CCNB3: variants seen among roughly 807,000 people sequenced by gnomAD.
The protein encoded by CCNB3 is G2/mitotic-specific cyclin-B3.
CCNB3 carries 12 observed loss-of-function variants against 68.0 expected under a neutral mutation model. That is an observed-to-expected ratio of 0.18 (90% confidence interval 0.11 to 0.29). CCNB3 has a LOEUF of 0.29. Among genes scored for constraint, CCNB3 ranks in the 10% least tolerant of loss-of-function variants. The pLI is 1.00. For synonymous variants in CCNB3, 354 were observed against 388.9 expected, an observed-to-expected ratio of 0.91 and a Z score of 1.06; for missense variants, 904 against 993.1, an observed-to-expected ratio of 0.91 and a Z score of 1.21.
intron 5 of CCNB3, among the ~76,000 whole-genome samples, chrX:50,307,893 A>AT (rs1172445064): frequency 1.8e-5 from 2 of 111,823 alleles, no homozygotes; most frequent in Non-Finnish European, 3.8e-5. Flanking sequence ...TCTTTCTGTG[A>AT]TTTTGTCTCA....
chrX:50,228,403 T>G (rs1361420220), intron 1 of CCNB3, among the ~76,000 whole-genome samples: 2 of 88,746 alleles, frequency 2.3e-5, no homozygotes, highest in African/African-American at 7.9e-5. Context: ...TAAATATATA[T>G]AGAGGATATA....
intron 1 of CCNB3, among the ~76,000 whole-genome samples, chrX:50,210,597 T>A (rs1163497584): frequency 1.8e-5 from 2 of 111,443 alleles, no homozygotes; most frequent in Non-Finnish European, 3.8e-5. Context: ...TGATGACCTT[T>A]ACGAGAATAT....
chrX:50,346,777 C>G lies in CCNB3; in HGVS notation c.3780C>G (p.Ile1260Met), dbSNP rs782623196. ...TCAAATGTGACATTAACATTCCCATCGCCTACCATTTTCTGCGCAGATATG... is the reference window on the plus strand; with the variant it reads ...TCAAATGTGACATTAACATTCCCATGGCCTACCATTTTCTGCGCAGATATG... ...NVLKCDINIPIAYHFLRRYAR... is the reference protein window; with the variant it reads ...NVLKCDINIPMAYHFLRRYAR... Residue 1260 changes from isoleucine to methionine, a missense_variant, in exon 10 of 13, where the codon ATC (isoleucine) becomes ATG (methionine). Transcript: ENST00000376042. 1 of 1,211,323 alleles carries G rather than the reference C, an allele frequency of 8.3e-7. No individual in the cohort carries two copies. Among genetic ancestry groups the G allele is most frequent in the Non-Finnish European group, 1.1e-6 (1 of 895,290 alleles).
At chrX:50,280,209 T>C (rs1362591185) in intron 1 of CCNB3, among the ~76,000 whole-genome samples, 4 of 78,742 alleles carry the variant, frequency 5.1e-5, no homozygotes, top group Non-Finnish European at 9.5e-5. Flanking sequence ...TATAAATATA[T>C]TTTTAGAATA....
rs1241265333 is a variant in CCNB3 at position 50,351,827 on chromosome X, A to C, written c.*124A>C. The C allele has an allele frequency of 4.4e-6, 2 of 453,469 alleles. No homozygotes were observed. Among genetic ancestry groups the C allele is most frequent in the Non-Finnish European group, 7.2e-6 (2 of 279,397 alleles). 37.4% of individuals were successfully genotyped at this position (453,469 alleles called of 1,213,427 possible). A position where few individuals can be genotyped will look rare whatever the true frequency, so the allele number is the denominator to read the frequency against. ...CTTTTCCCAAACTGATAATGTTATA[A>C]ATATTTATGTTGCTTGTTTTTATGA... On this transcript the variant is annotated 3_prime_UTR_variant, in exon 13 of 13. Transcript: ENST00000376042.
intron 5 of CCNB3, among the ~76,000 whole-genome samples, chrX:50,300,403 G>A (rs142776049): frequency 0.019 from 2,160 of 111,168 alleles, 42 homozygotes; most frequent in African/African-American, 0.065. Context: ...AGCTTAGTTT[G>A]GGTGGATATG....
intron 1 of CCNB3, among the ~76,000 whole-genome samples, chrX:50,226,268 A>G (rs1309106356): frequency 5.9e-5 from 4 of 67,542 alleles, no homozygotes; most frequent in Non-Finnish European, 7.3e-5. Context: ...TTATATATAT[A>G]GAATATATAT....
chrX:50,222,785 G>T (rs1257641544), intron 1 of CCNB3, among the ~76,000 whole-genome samples: 1 of 111,010 alleles, frequency 9.0e-6, no homozygotes, highest in Admixed American at 9.6e-5. Context: ...GGTGTTCTCT[G>T]TATTTCCTGC....
At chrX:50,219,526 G>T (rs1935636447) in intron 1 of CCNB3, among the ~76,000 whole-genome samples, 1 of 111,359 alleles carries the variant, frequency 9.0e-6, no homozygotes, top group Non-Finnish European at 1.9e-5. Flanking sequence ...ATTAAATGGG[G>T]AATCCGTTCC....
At chrX:50,349,957 T>A (rs1409730493) in intron 11 of CCNB3, among the ~76,000 whole-genome samples, 1 of 111,730 alleles carries the variant, frequency 9.0e-6, no homozygotes, top group Non-Finnish European at 1.9e-5. Context: ...GTGGACATGC[T>A]GTCCTCTGTG....
chrX:50,225,556 G>A (rs1048944984), intron 1 of CCNB3, among the ~76,000 whole-genome samples: 1 of 110,507 alleles, frequency 9.0e-6, no homozygotes, highest in African/African-American at 3.3e-5. Context: ...TTTTGGAAAC[G>A]GGAAAAAAGC....
At chrX:50,227,006 G>T (rs1316643831) in intron 1 of CCNB3, among the ~76,000 whole-genome samples, 9 of 66,058 alleles carry the variant, frequency 1.4e-4, no homozygotes, top group South Asian at 6.9e-4. Context: ...TAAATATATA[G>T]AAAATATATA....
chrX:50,291,777 C>G (rs1423226485), intron 4 of CCNB3, among the ~76,000 whole-genome samples: 1 of 111,370 alleles, frequency 9.0e-6, no homozygotes, highest in African/African-American at 3.3e-5. Flanking sequence ...AAGGAGTTTG[C>G]AAAACTTTAG....
upstream of CCNB3, chrX:50,204,530 T>G (rs1204301673): frequency 9.2e-6 from 1 of 108,924 alleles, no homozygotes; most frequent in East Asian, 2.9e-4. Flanking sequence ...CGTGTGTGTG[T>G]GTGGTGATTA....
At chrX:50,280,184 A>G (rs1285084787) in intron 1 of CCNB3, among the ~76,000 whole-genome samples, 1 of 89,389 alleles carries the variant, frequency 1.1e-5, no homozygotes, top group Non-Finnish European at 2.1e-5. Context: ...TATATATATA[A>G]ATATATATAG....
chrX:50,215,082 C>T (rs1206662501), intron 1 of CCNB3, among the ~76,000 whole-genome samples: 4 of 110,439 alleles, frequency 3.6e-5, no homozygotes, highest in Non-Finnish European at 7.6e-5. Flanking sequence ...CTCCGCCTCC[C>T]GGGTTCATGC....
chrX:50,288,854 CAA>C lies in CCNB3; in HGVS notation c.175_176del (p.Lys59GlufsTer5). 8.3e-7 allele frequency: 1 copy of C among 1,201,136 alleles called. No homozygotes were observed. The highest frequency in any genetic ancestry group is 1.7e-5 in the African/African-American group (1 of 57,611). On this transcript the variant is annotated frameshift_variant, in exon 4 of 13. Transcript: ENST00000376042. LOFTEE classifies it high-confidence loss of function. ...CTCCATCTTCACTTCAGGGAGCACTCAAAAAGAGATCAGCTTTTGAAGATCTC... is the reference window on the plus strand; with the variant it reads ...CTCCATCTTCACTTCAGGGAGCACTCAAAGAGATCAGCTTTTGAAGATCTC... ...ESPSSLQGAL[K>X]KRSAFEDLTN...
At chrX:50,330,319 G>T (rs1274533429) in intron 8 of CCNB3, among the ~76,000 whole-genome samples, 2 of 111,554 alleles carry the variant, frequency 1.8e-5, no homozygotes, top group Admixed American at 9.5e-5. Context: ...TTTAGGTCAG[G>T]GGTCAATTTT....
rs1557214377 is a variant in CCNB3, at chrX:50,309,902, A to C, written c.1733A>C (p.Glu578Ala). The change falls in exon 6 of 13, where the codon GAG becomes GCG. Residue 578 changes from glutamate (E) to alanine (A), a missense_variant. Physicochemically the swap from Glu to Ala is moderately radical, Grantham distance 107. Transcript: ENST00000376042. ...MSFRKNPTTE[E>A]TVLTKTSLSL... The stretch of plus-strand genomic sequence containing the variant: ...TTTAGGAAGAACCCTACAACTGAGG[A>C]GACAGTACTTACCAAGACATCGTTG... The C allele has an allele frequency of 8.3e-7, 1 of 1,209,322 alleles. No individual in the cohort carries two copies. The highest frequency in any genetic ancestry group is 1.1e-6 in the Non-Finnish European group (1 of 894,509).
Sources: gnomAD v4.1 joint callset for allele counts (sites outside exome capture counted in the v4.1 genomes callset) on GRCh38, gnomAD v4.1.1 for gene constraint, MANE v1.5 for transcripts, NCBI Gene and HGNC (gene_info 2026-07-23, HGNC 2026-07-21) for gene names.